MS4A2: variants seen among roughly 807,000 people sequenced by gnomAD.
MS4A2 encodes the protein membrane spanning 4-domains A2.
Under a neutral mutation model 27.9 loss-of-function variants are expected in MS4A2, and 26 were observed. That is an observed-to-expected ratio of 0.93 (90% CI 0.68 to 1.29). The LOEUF is 1.29. Among genes scored for constraint, MS4A2 ranks in the 50% most tolerant of loss-of-function variants. The pLI is 0.00. For synonymous variants in MS4A2, 110 were observed against 98.8 expected (o/e 1.11, Z -0.67); for missense variants, 284 against 284.6 (o/e 1.00, Z 0.01).
rs1855887821 is a variant in MS4A2 at position 60,097,367 on chromosome 11, C to G, written c.*1711C>G. On this transcript the variant is annotated 3_prime_UTR_variant, in exon 7 of 7. Coordinates refer to ENST00000278888, the MANE Select transcript of MS4A2 (RefSeq NM_000139.5). ...GAAAAGTCCACAGTGATAAGCAACT[C>G]CACCTAAGGCATGAATATGCGGCAG... is the stretch of plus-strand genomic sequence containing the variant. 1 of 152,200 alleles carries G rather than the reference C, an allele frequency of 6.6e-6. No individual in the cohort carries two copies. Among genetic ancestry groups the G allele is most frequent in the African/African-American group, 2.4e-5 (1 of 41,452 alleles). The allele number at this position is 152,200 out of a possible 1,614,324, so 9.4% of individuals were successfully genotyped here.
chr11:60,095,630 GA>G lies in MS4A2; in HGVS notation c.712del (p.Met238CysfsTer16). Reference sequence around the variant, plus strand: ...TTACAGTGAGTTGGAAGACCCAGGGGAAATGTCTCCTCCCATTGATTTATAA... The same window carrying G: ...TTACAGTGAGTTGGAAGACCCAGGGGAATGTCTCCTCCCATTGATTTATAA... ...ATYSELEDPG[E>X]MSPPIDL On this transcript the variant is annotated frameshift_variant, in exon 7 of 7. Coordinates refer to ENST00000278888, the MANE Select transcript of MS4A2 (RefSeq NM_000139.5). LOFTEE classifies it high-confidence loss of function. 1 of 1,609,912 alleles carries G rather than the reference GA, an allele frequency of 6.2e-7. No homozygotes were observed. Among genetic ancestry groups the G allele is most frequent in the Non-Finnish European group, 8.5e-7 (1 of 1,176,202 alleles).
intron 2 of MS4A2, among the ~76,000 whole-genome samples, chr11:60,090,028 T>C (rs1855728744): frequency 6.6e-6 from 1 of 152,200 alleles, no homozygotes; most frequent in African/African-American, 2.4e-5. Flanking sequence ...AGGACGAGAA[T>C]GGCCAACAGG....
intron 5 of MS4A2, 112 bp downstream of exon 5, chr11:60,093,670 A>T: frequency 7.1e-7 from 1 of 1,416,028 alleles, no homozygotes; most frequent in Non-Finnish European, 9.9e-7. Context: ...TCTATTACAC[A>T]GTATAGTGGT....
chr11:60,094,036 G>A lies in MS4A2; in HGVS notation c.610G>A (p.Ala204Thr), dbSNP rs1855822095. The change falls in exon 6 of 7, where the codon GCT becomes ACT. Residue 204 changes from alanine to threonine, a missense_variant. Physicochemically the swap from Ala to Thr is moderately conservative, Grantham distance 58. Transcript: ENST00000278888. ...GSAVSLTICG[A>T]GEELKGNKVP... ...TGCTGTGTCACTCACAATCTGTGGA[G>A]CTGGGGAAGAACTCAAAGGAAACAA... The A allele has an allele frequency of 3.1e-6, 5 of 1,613,700 alleles. No individual in the cohort carries two copies. Among genetic ancestry groups the A allele is most frequent in the Non-Finnish European group, 4.2e-6 (5 of 1,179,744 alleles).
rs753593419 is a variant in MS4A2, at chr11:60,095,686, C to T, written c.*30C>T. On this transcript the variant is annotated 3_prime_UTR_variant, in exon 7 of 7. Coordinates refer to ENST00000278888, the MANE Select transcript of MS4A2 (RefSeq NM_000139.5). ...CACGTGTCCAGAACACTCTGATTCA[C>T]AGCCAAGGATCCAGAAGGCCAAGGT... 1 of 1,474,576 alleles carries T rather than the reference C, an allele frequency of 6.8e-7. No homozygotes were observed. Among genetic ancestry groups the T allele is most frequent in the Non-Finnish European group, 9.5e-7 (1 of 1,053,344 alleles). The allele number at this position is 1,474,576 out of a possible 1,614,324, so 91.3% of individuals were successfully genotyped here.
intron 3 of MS4A2, 116 bp from the exon 4 acceptor site, chr11:60,092,676 A>G: frequency 1.2e-6 from 1 of 844,606 alleles, no homozygotes; most frequent in Non-Finnish European, 2.0e-6. Context: ...AGGTGACATT[A>G]ATAAGTAACT....
chr11:60,093,801 T>TG (rs1295241372), intron 5 of MS4A2, 163 bp from the exon 6 acceptor site: 25 of 728,720 alleles, frequency 3.4e-5, no homozygotes, highest in Non-Finnish European at 4.7e-5. Context: ...TGTGCCTGTG[T>TG]TTGTGTGTGT....
chr11:60,096,207 A>G lies in MS4A2; in HGVS notation c.*551A>G. On this transcript the variant is annotated 3_prime_UTR_variant, in exon 7 of 7. Transcript: ENST00000278888. Reference sequence around the variant, plus strand: ...TGCCAAGACATGAAGTTTTATAAAGATCTGTATAATTGCCTGAATCACCAG... The same window carrying G: ...TGCCAAGACATGAAGTTTTATAAAGGTCTGTATAATTGCCTGAATCACCAG... The G allele has an allele frequency of 6.5e-6, 1 of 154,968 alleles. No individual in the cohort carries two copies. Among genetic ancestry groups the G allele is most frequent in the Non-Finnish European group, 1.4e-5 (1 of 69,728 alleles). 9.6% of individuals were successfully genotyped at this position (154,968 alleles called of 1,614,324 possible).
chr11:60,093,240 C>A (rs1326620703), intron 4 of MS4A2, among the ~76,000 whole-genome samples, 160 bp from the exon 5 acceptor site: 1 of 152,206 alleles, frequency 6.6e-6, no homozygotes, highest in Admixed American at 6.6e-5. Flanking sequence ...GTAATATATG[C>A]TCATTAAACA....
In MS4A2 at chr11:60,088,836, T is replaced by C. The variant is rs563202588; in HGVS notation, c.56+15T>C. 39 of 1,605,290 alleles carry C rather than the reference T, an allele frequency of 2.4e-5. No homozygotes were observed. The South Asian group carries it at 4.0e-4, about 17-fold the overall frequency. On this transcript the variant is annotated intron_variant, in intron 1 of 6. Coordinates refer to ENST00000278888, the MANE Select transcript of MS4A2 (RefSeq NM_000139.5). ...GAGCCTTCCAGGTAGGTACAAGGTA[T>C]TATTTTTTTCTACCCTCAGTCACTT... is the stretch of plus-strand genomic sequence containing the variant.
rs2134702742 is a variant in MS4A2 at position 60,095,897 on chromosome 11, GCTGGAAAGTCAACA to G, written c.*242_*255del. On this transcript the variant is annotated 3_prime_UTR_variant, in exon 7 of 7. Coordinates refer to ENST00000278888, the MANE Select transcript of MS4A2 (RefSeq NM_000139.5). ...TTATATTATGACCACACACATCTCTGCTGGAAAGTCAACATGTAGTAAGCAAGATTTAACTGTTT... is the reference window on the plus strand; with the variant it reads ...TTATATTATGACCACACACATCTCTGTGTAGTAAGCAAGATTTAACTGTTT... 1 of 510,968 alleles carries G rather than the reference GCTGGAAAGTCAACA, an allele frequency of 2.0e-6. No homozygotes were observed. Among genetic ancestry groups the G allele is most frequent in the South Asian group, 2.1e-5 (1 of 46,708 alleles). The allele number at this position is 510,968 out of a possible 1,614,324, so 31.7% of individuals were successfully genotyped here.
intron 3 of MS4A2, 32 bp from the exon 4 acceptor site, chr11:60,092,760 A>G: frequency 6.2e-7 from 1 of 1,600,986 alleles, no homozygotes; most frequent in Middle Eastern, 1.7e-4. Context: ...CAAGAAACTC[A>G]TTGTGGCTTT....
intron 2 of MS4A2, 125 bp downstream of exon 2, chr11:60,089,946 G>C (rs1490228407): frequency 2.4e-6 from 3 of 1,268,166 alleles, no homozygotes; most frequent in Non-Finnish European, 3.3e-6. Flanking sequence ...AAACATGGTA[G>C]ATAAAGAGTT....
rs1409981418 is a variant in MS4A2 at position 60,095,675 on chromosome 11, A to G, written c.*19A>G. On this transcript the variant is annotated 3_prime_UTR_variant, in exon 7 of 7. Transcript: ENST00000278888. ...TTTATAAGAATCACGTGTCCAGAACACTCTGATTCACAGCCAAGGATCCAG... is the reference window on the plus strand; with the variant it reads ...TTTATAAGAATCACGTGTCCAGAACGCTCTGATTCACAGCCAAGGATCCAG... 6.6e-7 allele frequency: 1 copy of G among 1,521,566 alleles called. No individual in the cohort carries two copies. The highest frequency in any genetic ancestry group is 9.1e-7 in the Non-Finnish European group (1 of 1,096,170). 94.3% of individuals were successfully genotyped at this position (1,521,566 alleles called of 1,614,324 possible). A position where few individuals can be genotyped will look rare whatever the true frequency, so the allele number is the denominator to read the frequency against.
In MS4A2 at chr11:60,088,871, G is replaced by A. The variant is rs545584372; in HGVS notation, c.56+50G>A. The stretch of plus-strand genomic sequence containing the variant: ...CTACCCTCAGTCACTTAGTGGCAGG[G>A]GAAGTCATAGTCACGGTGCTTAGGA... On this transcript the variant is annotated intron_variant, in intron 1 of 6. Transcript: ENST00000278888. 5 of 1,553,418 alleles carry A rather than the reference G, an allele frequency of 3.2e-6. No homozygotes were observed. The South Asian group carries it at 5.7e-5, about 18-fold the overall frequency.
chr11:60,091,170 A>ATAC (rs1006346352), intron 3 of MS4A2, among the ~76,000 whole-genome samples: 3 of 152,142 alleles, frequency 2.0e-5, no homozygotes, highest in African/African-American at 7.2e-5. Context: ...AATAATAATA[A>ATAC]TAGAAAATAA....
At chr11:60,094,816 A>G (rs1470617119) in intron 6 of MS4A2, among the ~76,000 whole-genome samples, 1 of 152,144 alleles carries the variant, frequency 6.6e-6, no homozygotes, top group Admixed American at 6.5e-5. Context: ...AATCTCTACT[A>G]AAAAATACAA....
At chr11:60,094,568 T>G (rs1855832370) in intron 6 of MS4A2, among the ~76,000 whole-genome samples, 1 of 152,214 alleles carries the variant, frequency 6.6e-6, no homozygotes, top group Non-Finnish European at 1.5e-5. Context: ...CTTGTGCTCA[T>G]GTACTTGCCC....
rs572487715 is a variant in MS4A2, at chr11:60,092,959, A to T, written c.378+111A>T. On this transcript the variant is annotated intron_variant, in intron 4 of 6. Transcript: ENST00000278888. ...TCTCCTATATTACTTGTGAATGTGG[A>T]TATATGATTTTGTTTCAATCTATTT... 7 of 1,075,688 alleles carry T rather than the reference A, an allele frequency of 6.5e-6. No homozygotes were observed. The Admixed American group carries it at 9.8e-5, about 15-fold the overall frequency. 66.6% of individuals were successfully genotyped at this position (1,075,688 alleles called of 1,614,324 possible). A position where few individuals can be genotyped will look rare whatever the true frequency, so the allele number is the denominator to read the frequency against.
Sources: gnomAD v4.1 joint callset for allele counts (sites outside exome capture counted in the v4.1 genomes callset) on GRCh38, gnomAD v4.1.1 for gene constraint, MANE v1.5 for transcripts, NCBI Gene and HGNC (gene_info 2026-07-23, HGNC 2026-07-21) for gene names.